The following HOXA3 variants were observed in gnomAD, a reference collection of about 807,000 sequenced individuals.
HOXA3 encodes the protein homeobox protein Hox-A3.
A neutral mutation model predicts 30.3 loss-of-function variants in HOXA3; 8 were observed. The observed-to-expected ratio is 0.26, with a 90% CI of 0.15 to 0.48. The LOEUF (loss-of-function observed/expected upper bound fraction) is 0.48, where lower values mean the gene tolerates loss of function less well. Ranked by LOEUF, HOXA3 falls within the 20% of genes least tolerant of loss-of-function variation. The probability of loss-of-function intolerance (pLI) is 0.99; values close to 1 mark genes in which losing one functional copy is unlikely to be tolerated. For synonymous variants in HOXA3, 323 were observed against 273.1 expected (o/e 1.18, Z -1.80); for missense variants, 653 against 614.4 (o/e 1.06, Z -0.66).
intron 2 of HOXA3, chr7:27,130,053 C>T: frequency 6.6e-7 from 1 of 1,511,836 alleles, no homozygotes; most frequent in Non-Finnish European, 8.9e-7. Flanking sequence ...CCCTCCTGAC[C>T]CCGACCCTCG....
intron 2 of HOXA3, among the ~76,000 whole-genome samples, chr7:27,134,677 A>G (rs2128056686): frequency 6.6e-6 from 1 of 152,314 alleles, no homozygotes; most frequent in Middle Eastern, 3.4e-3. Context: ...TTCATCTGGC[A>G]AACCCCCATT....
chr7:27,130,586 T>G (rs1436177914), intron 2 of HOXA3: 2 of 1,513,940 alleles, frequency 1.3e-6, no homozygotes. Context: ...AGGTGCTGGG[T>G]CGGGGGCGCT....
chr7:27,129,519 G>C, intron 2 of HOXA3: 1 of 1,614,144 alleles, frequency 6.2e-7, no homozygotes, highest in South Asian at 1.1e-5. Flanking sequence ...CCTGCTGCCG[G>C]GTGTAGGCGG....
At chr7:27,148,184 G>A (rs1326394758) in intron 1 of HOXA3, among the ~76,000 whole-genome samples, 5 of 152,210 alleles carry the variant, frequency 3.3e-5, no homozygotes, top group Non-Finnish European at 7.3e-5. Flanking sequence ...CGGGTTCCCC[G>A]CCCCTCCTCC....
At chr7:27,118,947 T>G (rs1784873957) in intron 4 of HOXA3, among the ~76,000 whole-genome samples, 1 of 152,234 alleles carries the variant, frequency 6.6e-6, no homozygotes, top group African/African-American at 2.4e-5. Flanking sequence ...CAGTTGGTTT[T>G]GTTCAGTGGG....
intron 2 of HOXA3, chr7:27,130,055 C>CGACCCT: frequency 6.6e-7 from 1 of 1,513,444 alleles, no homozygotes; most frequent in Non-Finnish European, 8.9e-7. Flanking sequence ...CTCCTGACCC[C>CGACCCT]GACCCTCGAA....
chr7:27,115,111 T>C (rs1409387250), intron 4 of HOXA3, among the ~76,000 whole-genome samples: 2 of 150,672 alleles, frequency 1.3e-5, no homozygotes, highest in African/African-American at 4.9e-5. Flanking sequence ...CGGCGGGTCC[T>C]TCTCAAAGGA....
At chr7:27,118,364 C>A (rs1784840481) in intron 4 of HOXA3, among the ~76,000 whole-genome samples, 1 of 152,228 alleles carries the variant, frequency 6.6e-6, no homozygotes, top group South Asian at 2.1e-4. Flanking sequence ...GTCTGGGTCT[C>A]CGCTCCAAAT....
chr7:27,139,726 A>G (rs2128058621), intron 2 of HOXA3, among the ~76,000 whole-genome samples: 1 of 152,248 alleles, frequency 6.6e-6, no homozygotes, highest in Non-Finnish European at 1.5e-5. Flanking sequence ...CCGGCCCAGC[A>G]ATTGCGCGGG....
At chr7:27,113,000 C>G (rs545802303) in intron 4 of HOXA3, among the ~76,000 whole-genome samples, 1 of 152,128 alleles carries the variant, frequency 6.6e-6, no homozygotes, top group Non-Finnish European at 1.5e-5. Flanking sequence ...TCCTATTGTT[C>G]GAGGTCAGCA....
intron 2 of HOXA3, among the ~76,000 whole-genome samples, chr7:27,139,238 C>G (rs765348357): frequency 1.3e-5 from 2 of 152,240 alleles, no homozygotes; most frequent in African/African-American, 4.8e-5. Flanking sequence ...TTCAGACTCA[C>G]AAGCGGCTGA....
intron 4 of HOXA3, among the ~76,000 whole-genome samples, chr7:27,114,853 T>TAA (rs1491447872): frequency 9.6e-6 from 1 of 104,378 alleles, no homozygotes; most frequent in African/African-American, 3.3e-5. Flanking sequence ...ATAATATATA[T>TAA]TATATATATA....
Position 27,110,560 on chromosome 7 carries a change from A to T in HOXA3, c.81T>A (p.Asn27Lys). 1 of 1,606,754 alleles carries T rather than the reference A, an allele frequency of 6.2e-7. No homozygotes were observed. The highest frequency in any genetic ancestry group is 8.5e-7 in the Non-Finnish European group (1 of 1,174,920). The part of the protein sequence containing the change: ...PYQAANGFAY[N>K]ANQQPYPASA... ...ACGCCGGGTACGGCTGCTGATTGGC[A>T]TTATAAGCGAACCCGTTGGCTGCCT... Residue 27 changes from asparagine to lysine, a missense_variant, in exon 5 of 6, where the codon AAT (asparagine) becomes AAA (lysine). Physicochemically the swap from Asn to Lys is moderately conservative, Grantham distance 94. Around this residue, in one of 3 missense-constraint regions of HOXA3, gnomAD observed 320 missense variants for 321.9 expected, o/e 0.99. Coordinates refer to ENST00000612286, the MANE Select transcript of HOXA3 (RefSeq NM_153631.3).
intron 4 of HOXA3, among the ~76,000 whole-genome samples, chr7:27,111,485 CGTGTGTGTGTGTGT>C (rs61655486): frequency 6.7e-6 from 1 of 148,780 alleles, no homozygotes; most frequent in Non-Finnish European, 1.5e-5. Flanking sequence ...GAACACATTG[CGTGTGTGTGTGTGT>C]GTGTGTGTGT....
chr7:27,143,497 C>G lies in HOXA3; in HGVS notation c.-493-3311G>C, dbSNP rs753304687. ...CGTACCTGCCGGAGTGCATGCTCGCCGAGTCCCTGAATTGCTCGCTCACGG... is the reference window on the plus strand; with the variant it reads ...CGTACCTGCCGGAGTGCATGCTCGCGGAGTCCCTGAATTGCTCGCTCACGG... On this transcript the variant is annotated intron_variant, in intron 1 of 5. Coordinates refer to ENST00000612286, the MANE Select transcript of HOXA3 (RefSeq NM_153631.3). The G allele has an allele frequency of 2.3e-5, 37 of 1,613,700 alleles. 1 individual carries two copies. The highest frequency in any genetic ancestry group is 8.5e-7 in the Non-Finnish European group (1 of 1,179,926).
intron 1 of HOXA3, chr7:27,145,467 GTTT>G: frequency 1.4e-6 from 1 of 709,190 alleles, no homozygotes; most frequent in African/African-American, 2.2e-5. Context: ...GTTTTGTTTT[GTTT>G]TGTTTTGTTT....
chr7:27,147,857 C>T (rs995636133), intron 1 of HOXA3: 1 of 1,021,570 alleles, frequency 9.8e-7, no homozygotes, highest in South Asian at 1.7e-5. Flanking sequence ...ACGCCAAAAG[C>T]GACAGCAGCA....
intron 1 of HOXA3, chr7:27,145,661 C>G (rs62454417): frequency 1.4e-5 from 23 of 1,612,762 alleles, no homozygotes; most frequent in South Asian, 4.4e-5. Context: ...CAGGCATCTA[C>G]TCGCCCGCCT....
intron 4 of HOXA3, among the ~76,000 whole-genome samples, chr7:27,111,633 TCTTTA>T (rs1003566867): frequency 1.3e-5 from 2 of 152,022 alleles, no homozygotes; most frequent in Non-Finnish European, 2.9e-5. Flanking sequence ...CACCCCCACT[TCTTTA>T]CTTCTTTCCC....
Sources: allele counts gnomAD v4.1 joint callset (sites outside exome capture counted in the v4.1 genomes callset), GRCh38; gene constraint gnomAD v4.1.1; regional missense constraint gnomAD v4.1.1; transcripts MANE v1.5; gene names NCBI Gene and HGNC (gene_info 2026-07-23, HGNC 2026-07-21).